Variants in CENATAC observed in about 807,000 individuals in gnomAD.
The protein encoded by CENATAC is centrosomal AT-AC splicing factor.
CENATAC carries 53 observed loss-of-function variants against 53.7 expected under a neutral mutation model. The ratio of observed to expected loss-of-function variants is 0.99; its 90% CI spans 0.79 to 1.24. The LOEUF (loss-of-function observed/expected upper bound fraction) is 1.24. Ranked by LOEUF, CENATAC falls within the 50% of genes most tolerant of loss-of-function variation. CENATAC has a pLI of 0.00. For synonymous variants in CENATAC, 156 were observed against 144.6 expected (o/e 1.08, Z -0.57); for missense variants, 474 against 417.8 (o/e 1.13, Z -1.17).
Position 118,998,154 on chromosome 11 carries a change from C to T in CENATAC, c.-44C>T. On this transcript the variant is annotated 5_prime_UTR_variant, in exon 1 of 11. Coordinates refer to ENST00000334418, the MANE Select transcript of CENATAC (RefSeq NM_198489.3). The stretch of plus-strand genomic sequence containing the variant: ...GTCAGGGTCAGAGGCCGCCGGATGG[C>T]GTAGGATCGGCCGCTGGTGGTGGTG... The T allele has an allele frequency of 1.9e-6, 3 of 1,556,212 alleles. No homozygotes were observed. Among genetic ancestry groups the T allele is most frequent in the Non-Finnish European group, 2.6e-6 (3 of 1,154,312 alleles).
chr11:119,006,148 G>A (rs1198592402), intron 3 of CENATAC, among the ~76,000 whole-genome samples: 1 of 142,940 alleles, frequency 7.0e-6, no homozygotes, highest in African/African-American at 2.6e-5. Context: ...GTACAGTGGC[G>A]TGATCTCAGT....
intron 8 of CENATAC, among the ~76,000 whole-genome samples, chr11:119,013,533 G>C (rs1484732816): frequency 6.7e-6 from 1 of 149,006 alleles, no homozygotes; most frequent in African/African-American, 2.5e-5. Flanking sequence ...GCGGGATCTC[G>C]GCTCACTGCA....
intron 8 of CENATAC, 141 bp downstream of exon 8, chr11:119,013,403 C>T: frequency 1.7e-6 from 1 of 594,650 alleles, no homozygotes; most frequent in Non-Finnish European, 3.0e-6. Context: ...TCAAGTGATT[C>T]TTCTGCCTCA....
chr11:119,015,469 C>G (rs373778854), intron 10 of CENATAC, 30 bp downstream of exon 10: 49 of 1,613,724 alleles, frequency 3.0e-5, no homozygotes, highest in African/African-American at 4.0e-5. Context: ...GGTCTCCAAC[C>G]TACCCATCCA....
intron 3 of CENATAC, among the ~76,000 whole-genome samples, chr11:119,007,827 C>T (rs782643045): frequency 2.6e-5 from 4 of 152,160 alleles, no homozygotes; most frequent in Non-Finnish European, 5.9e-5. Flanking sequence ...CAAACATACA[C>T]ACACAAGGCA....
At chr11:119,012,713 A>C (rs1412374743) in intron 7 of CENATAC, 1 of 168,876 alleles carries the variant, frequency 5.9e-6, no homozygotes, top group Non-Finnish European at 1.3e-5. Context: ...TGTACCACTT[A>C]TGATTTTACT....
intron 4 of CENATAC, 119 bp downstream of exon 4, chr11:119,010,949 A>G: frequency 3.6e-6 from 3 of 822,812 alleles, no homozygotes; most frequent in Non-Finnish European, 6.0e-6. Context: ...GCTCCACCTC[A>G]GATCATCAGG....
intron 3 of CENATAC, chr11:119,009,966 C>G (rs1214708800): frequency 6.6e-6 from 1 of 152,050 alleles, no homozygotes; most frequent in Non-Finnish European, 1.5e-5. Context: ...GGTGACATGG[C>G]AAAACCCTGT....
chr11:119,011,737 G>A lies in CENATAC; in HGVS notation c.514-202G>A, dbSNP rs908124445. Among the ~76,000 whole-genome samples, 4 of 151,652 alleles carry A rather than the reference G, an allele frequency of 2.6e-5. 1 individual carries two copies. In the South Asian group the frequency reaches 6.3e-4, roughly 24 times the overall value. On this transcript the variant is annotated intron_variant, in intron 5 of 10. Transcript: ENST00000334418. ...CTGCTTGGCTTGAATTCCCTTACCTGTGTGCCAGGGGGCAGGCCTAGTCAG... is the reference window on the plus strand; with the variant it reads ...CTGCTTGGCTTGAATTCCCTTACCTATGTGCCAGGGGGCAGGCCTAGTCAG...
intron 8 of CENATAC, chr11:119,013,955 G>C (rs76210403): frequency 6.6e-6 from 1 of 152,132 alleles, no homozygotes; most frequent in Non-Finnish European, 1.5e-5. Flanking sequence ...CATATGTATT[G>C]GAATGGCAGA....
chr11:119,012,915 TAC>T (rs1942940342), intron 7 of CENATAC: 6 of 291,348 alleles, frequency 2.1e-5, no homozygotes, highest in Admixed American at 5.0e-5. Flanking sequence ...AAATGTAATT[TAC>T]GTAACTTGTG....
intron 9 of CENATAC, 52 bp from the exon 10 acceptor site, chr11:119,015,255 A>T: frequency 6.5e-7 from 1 of 1,542,354 alleles, no homozygotes; most frequent in Non-Finnish European, 8.8e-7. Flanking sequence ...GTGAGACCCC[A>T]TCTCTATATT....
chr11:119,010,888 A>G (rs1942837285), intron 4 of CENATAC, 58 bp downstream of exon 4: 8 of 1,516,452 alleles, frequency 5.3e-6, no homozygotes, highest in Non-Finnish European at 7.3e-6. Context: ...TTCGTGGAAG[A>G]CGGTTTTTCC....
At position 119,012,601 on chromosome 11, in the gene CENATAC, A is replaced by G. The variant is rs549369296; in HGVS notation, c.684+347A>G. 8 of 212,924 alleles carry G rather than the reference A, an allele frequency of 3.8e-5. No homozygotes were observed. In the South Asian group the frequency reaches 6.0e-4, roughly 16 times the overall value. 13.2% of individuals were successfully genotyped at this position (212,924 alleles called of 1,614,324 possible). ...CAGATCCTTTCCTTTTCCATCTCCC[A>G]TATCCTGTCAACAAGCGGTCAATTT... On this transcript the variant is annotated intron_variant, in intron 7 of 10. Coordinates refer to ENST00000334418, the MANE Select transcript of CENATAC (RefSeq NM_198489.3).
intron 3 of CENATAC, among the ~76,000 whole-genome samples, chr11:119,002,507 T>A (rs1449889478): frequency 6.6e-6 from 1 of 151,748 alleles, no homozygotes; most frequent in East Asian, 1.9e-4. Flanking sequence ...CCTGACTAAT[T>A]TTTGTATTTT....
chr11:118,999,002 C>T lies in CENATAC; in HGVS notation c.285-9C>T. 1 of 1,599,328 alleles carries T rather than the reference C, an allele frequency of 6.3e-7. No individual in the cohort carries two copies. The highest frequency in any genetic ancestry group is 8.6e-7 in the Non-Finnish European group (1 of 1,166,622). On this transcript the variant is annotated splice_polypyrimidine_tract_variant and intron_variant, in intron 2 of 10. Transcript: ENST00000334418. ...TATAGCTGAGATTACTTATCCTCTC[C>T]ATTTTCAGCCCAGAGCACAAGAAAG...
At position 118,998,563 on chromosome 11, in the gene CENATAC, T is replaced by C. The variant is rs1016843588; in HGVS notation, c.254T>C (p.Leu85Pro). ...CTGAGCCATGGAAACCTGACGGTGC[T>C]GTACGGGGGGCTGCTGGAGCATCTG... ...EHLSHGNLTV[L>P]YGGLLEHLAS... is the part of the protein sequence containing the mutation. The change falls in exon 2 of 11, where the codon CTG becomes CCG. Residue 85 changes from leucine (L) to proline (P), a missense_variant. By Grantham distance (98) the Leu-to-Pro change is moderately conservative (BLOSUM62 -3). Coordinates refer to ENST00000334418, the MANE Select transcript of CENATAC (RefSeq NM_198489.3). The C allele has an allele frequency of 6.3e-7, 1 of 1,578,888 alleles. No homozygotes were observed. The highest frequency in any genetic ancestry group is 2.3e-5 in the East Asian group (1 of 43,068).
Position 119,004,078 on chromosome 11 carries a change from A to G in CENATAC, c.383+4969A>G, listed in dbSNP as rs993163999. On this transcript the variant is annotated intron_variant, in intron 3 of 10. Transcript: ENST00000334418. ...TTCCTTTAATGTTACAATACTGCCT[A>G]TTGATTTGGAAATTAGATCACGCTC... is the stretch of plus-strand genomic sequence containing the variant. Among the ~76,000 whole-genome samples, 5 of 152,176 alleles carry G rather than the reference A, an allele frequency of 3.3e-5. No individual in the cohort carries two copies. In the East Asian group the frequency reaches 7.7e-4, roughly 23 times the overall value.
intron 8 of CENATAC, among the ~76,000 whole-genome samples, chr11:119,013,617 C>T (rs1369024599): frequency 2.0e-5 from 3 of 152,026 alleles, no homozygotes; most frequent in African/African-American, 4.8e-5. Context: ...GCGCCCGCCA[C>T]TACGCCCAGC....
Sources: gnomAD v4.1 joint callset for allele counts (sites outside exome capture counted in the v4.1 genomes callset) on GRCh38, gnomAD v4.1.1 for gene constraint, MANE v1.5 for transcripts, NCBI Gene and HGNC (gene_info 2026-07-23, HGNC 2026-07-21) for gene names.